STMP1: variants seen among roughly 807,000 people sequenced by gnomAD.
STMP1 encodes short transmembrane mitochondrial protein 1.
A neutral mutation model predicts 7.0 loss-of-function variants in STMP1; 7 were observed. The ratio of observed to expected loss-of-function variants is 1.01; its 90% CI spans 0.57 to 1.89. The LOEUF (loss-of-function observed/expected upper bound fraction) is 1.89, where lower values mean the gene tolerates loss of function less well. Ranked by LOEUF, STMP1 falls within the 40% of genes most tolerant of loss-of-function variation. The pLI is 0.00. For synonymous variants in STMP1, 19 were observed against 18.4 expected (o/e 1.03, Z -0.08); for missense variants, 45 against 53.0 (o/e 0.85, Z 0.47).
At chr7:135,663,684 C>G (rs1020303345) in intron 1 of STMP1, among the ~76,000 whole-genome samples, 1 of 151,612 alleles carries the variant, frequency 6.6e-6, no homozygotes. Context: ...TTAACGGAGT[C>G]CCGCTCTGTC....
At chr7:135,668,382 C>T (rs1795317923) in intron 1 of STMP1, among the ~76,000 whole-genome samples, 1 of 152,092 alleles carries the variant, frequency 6.6e-6, no homozygotes, top group African/African-American at 2.4e-5. Context: ...TTGCTGAGGG[C>T]AGAGTAGTCA....
chr7:135,662,642 C>T lies in STMP1; in HGVS notation c.15+48C>T, dbSNP rs904758709. On this transcript the variant is annotated intron_variant, in intron 1 of 2. Transcript: ENST00000507606. ...GGGGCCCGCTGCCTGGGGCGTGCCT[C>T]GGACCCCATTTCCCCCTTGAGGATT... 1.8e-5 allele frequency: 27 copies of T among 1,539,586 alleles called. No homozygotes were observed. In the East Asian group the frequency reaches 3.8e-4, roughly 22 times the overall value.
At chr7:135,662,796 G>C (rs1202795086) in intron 1 of STMP1, among the ~76,000 whole-genome samples, 2 of 152,218 alleles carry the variant, frequency 1.3e-5, no homozygotes, top group Non-Finnish European at 2.9e-5. Flanking sequence ...ATATTTTTCT[G>C]CAGCCATCCA....
intron 1 of STMP1, among the ~76,000 whole-genome samples, chr7:135,667,530 T>C (rs1795309815): frequency 6.6e-6 from 1 of 152,246 alleles, no homozygotes; most frequent in Non-Finnish European, 1.5e-5. Flanking sequence ...CATTTTTAAA[T>C]TGAGTTTTTT....
chr7:135,675,339 A>T lies in STMP1; in HGVS notation c.*1174A>T, dbSNP rs1795400514. On this transcript the variant is annotated 3_prime_UTR_variant, in exon 3 of 3. Coordinates refer to ENST00000507606, the MANE Select transcript of STMP1 (RefSeq NM_001130929.2). ...CACGTGTAACACAAATAGTAACTATACATGGAGGTCTAGCCCTCGCCTTTT... is the reference window on the plus strand; with the variant it reads ...CACGTGTAACACAAATAGTAACTATTCATGGAGGTCTAGCCCTCGCCTTTT... 6.6e-6 allele frequency: 1 copy of T among 152,038 alleles called. No homozygotes were observed. Among genetic ancestry groups the T allele is most frequent in the South Asian group, 2.1e-4 (1 of 4,828 alleles). The allele number at this position is 152,038 out of a possible 1,614,324, so 9.4% of individuals were successfully genotyped here. A position where few individuals can be genotyped will look rare whatever the true frequency, so the allele number is the denominator to read the frequency against.
intron 1 of STMP1, among the ~76,000 whole-genome samples, chr7:135,663,416 C>T (rs1301084643): frequency 6.6e-6 from 1 of 152,046 alleles, no homozygotes; most frequent in Admixed American, 6.5e-5. Flanking sequence ...GCAATCTGGG[C>T]TCACTGGAAC....
At chr7:135,672,841 T>G (rs574233241) in intron 2 of STMP1, 35 bp downstream of exon 2, 128 of 1,518,010 alleles carry the variant, frequency 8.4e-5, no homozygotes, top group Non-Finnish European at 1.1e-4. Context: ...CTTGATTCCA[T>G]GTAACTGTTT....
At position 135,675,610 on chromosome 7, in the gene STMP1, C is replaced by T. The variant is rs1197658176; in HGVS notation, c.*1445C>T. 8.5e-5 allele frequency: 13 copies of T among 152,168 alleles called. No individual in the cohort carries two copies. The highest frequency in any genetic ancestry group is 5.9e-5 in the Non-Finnish European group (4 of 68,026). 9.4% of individuals were successfully genotyped at this position (152,168 alleles called of 1,614,324 possible). ...TGAAGTCCTAAAAGTATAATTTAGA[C>T]TAAATACAAATACCCATTTCGCTAG... On this transcript the variant is annotated 3_prime_UTR_variant, in exon 3 of 3. Transcript: ENST00000507606.
chr7:135,662,662 A>G, intron 1 of STMP1, 68 bp downstream of exon 1: 3 of 1,511,676 alleles, frequency 2.0e-6, no homozygotes, highest in Admixed American at 2.1e-5. Flanking sequence ...TTCCCCCTTG[A>G]GGATTGCCGA....
rs1795389339 is a variant in STMP1, at chr7:135,674,460, T to C, written c.*295T>C. 6.8e-6 allele frequency: 2 copies of C among 292,926 alleles called. No homozygotes were observed. The highest frequency in any genetic ancestry group is 4.3e-5 in the African/African-American group (2 of 46,016). The allele number at this position is 292,926 out of a possible 1,614,324, so 18.1% of individuals were successfully genotyped here. A position where few individuals can be genotyped will look rare whatever the true frequency, so the allele number is the denominator to read the frequency against. On this transcript the variant is annotated 3_prime_UTR_variant, in exon 3 of 3. Coordinates refer to ENST00000507606, the MANE Select transcript of STMP1 (RefSeq NM_001130929.2). The stretch of plus-strand genomic sequence containing the variant: ...ATGACTTTTAATGAGTAGTGTCTTC[T>C]TTATCGTTTGCGATTTTTACTACCT...
chr7:135,674,282 G>C lies in STMP1; in HGVS notation c.*117G>C. The C allele has an allele frequency of 1.3e-6, 1 of 792,560 alleles. No homozygotes were observed. The highest frequency in any genetic ancestry group is 2.0e-6 in the Non-Finnish European group (1 of 510,460). 49.1% of individuals were successfully genotyped at this position (792,560 alleles called of 1,614,324 possible). On this transcript the variant is annotated 3_prime_UTR_variant, in exon 3 of 3. Transcript: ENST00000507606. ...TCCAGCCTCAGCACTTCTCTTCTTTGCTAGACCCTGTGTTTTTTGCTTTAA... is the reference window on the plus strand; with the variant it reads ...TCCAGCCTCAGCACTTCTCTTCTTTCCTAGACCCTGTGTTTTTTGCTTTAA...
chr7:135,663,923 C>T (rs561748078), intron 1 of STMP1, among the ~76,000 whole-genome samples: 6 of 152,248 alleles, frequency 3.9e-5, no homozygotes, highest in East Asian at 1.9e-4. Flanking sequence ...GGATTACAGG[C>T]GTGAGCCTCC....
Position 135,671,537 on chromosome 7 carries a change from C to T in STMP1, c.16-1216C>T, listed in dbSNP as rs183364794. On this transcript the variant is annotated intron_variant, in intron 1 of 2. Transcript: ENST00000507606. The stretch of plus-strand genomic sequence containing the variant: ...GAGCCTCTTAGTTACCAGAGGAAAA[C>T]AGGGAATTATTATCATTAAAACTCA... Among the ~76,000 whole-genome samples the T allele has an allele frequency of 6.6e-4, 100 of 152,284 alleles. 2 individuals carry two copies. Among genetic ancestry groups the T allele is most frequent in the Non-Finnish European group, 9.4e-4 (64 of 68,016 alleles).
chr7:135,675,845 A>G lies in STMP1; in HGVS notation c.*1680A>G, dbSNP rs1795407597. The G allele has an allele frequency of 2.0e-5, 3 of 151,784 alleles. No homozygotes were observed. The highest frequency in any genetic ancestry group is 6.6e-5 in the Admixed American group (1 of 15,236). 9.4% of individuals were successfully genotyped at this position (151,784 alleles called of 1,614,324 possible). On this transcript the variant is annotated 3_prime_UTR_variant, in exon 3 of 3. Coordinates refer to ENST00000507606, the MANE Select transcript of STMP1 (RefSeq NM_001130929.2). ...ATGGAAGTAAGTTTTATTCCTGTCAATGTTGTCTTTGTGTGTGACAGATTA... is the reference window on the plus strand; with the variant it reads ...ATGGAAGTAAGTTTTATTCCTGTCAGTGTTGTCTTTGTGTGTGACAGATTA...
At chr7:135,662,623 C>G (rs747765333) in intron 1 of STMP1, 29 bp downstream of exon 1, 1 of 1,544,476 alleles carries the variant, frequency 6.5e-7, no homozygotes, top group Admixed American at 2.0e-5. Flanking sequence ...GAGCGGGGCC[C>G]GCTGCCTGGG....
chr7:135,665,237 G>C (rs1795280499), intron 1 of STMP1, among the ~76,000 whole-genome samples: 1 of 152,160 alleles, frequency 6.6e-6, no homozygotes, highest in African/African-American at 2.4e-5. Flanking sequence ...GCAGTGCGTT[G>C]TCATTACACA....
In STMP1 at chr7:135,674,610, G is replaced by A. The variant is rs776107980; in HGVS notation, c.*445G>A. 5 of 153,220 alleles carry A rather than the reference G, an allele frequency of 3.3e-5. No individual in the cohort carries two copies. The highest frequency in any genetic ancestry group is 7.3e-5 in the Non-Finnish European group (5 of 68,844). 9.5% of individuals were successfully genotyped at this position (153,220 alleles called of 1,614,324 possible). On this transcript the variant is annotated 3_prime_UTR_variant, in exon 3 of 3. Coordinates refer to ENST00000507606, the MANE Select transcript of STMP1 (RefSeq NM_001130929.2). ...TGGTACTAAATTATGTTGCTGCAAA[G>A]TAATTAAAATTAGTATCTAGAGCTA...
In STMP1 at chr7:135,674,879, T is replaced by C. The variant is rs1795394891; in HGVS notation, c.*714T>C. ...ACTTTTTTCCTTCTCAAAAGAATCA[T>C]ACTTGGGATTACAGGTACATTTGAT... On this transcript the variant is annotated 3_prime_UTR_variant, in exon 3 of 3. Transcript: ENST00000507606. 1 of 152,232 alleles carries C rather than the reference T, an allele frequency of 6.6e-6. No homozygotes were observed. The highest frequency in any genetic ancestry group is 1.5e-5 in the Non-Finnish European group (1 of 68,040). 9.4% of individuals were successfully genotyped at this position (152,232 alleles called of 1,614,324 possible). A position where few individuals can be genotyped will look rare whatever the true frequency, so the allele number is the denominator to read the frequency against.
At chr7:135,670,685 T>C (rs1182463482) in intron 1 of STMP1, among the ~76,000 whole-genome samples, 1 of 149,764 alleles carries the variant, frequency 6.7e-6, no homozygotes, top group African/African-American at 2.6e-5. Flanking sequence ...CTCATGGTTT[T>C]TGTTTTGTGT....
Sources: allele counts gnomAD v4.1 joint callset (sites outside exome capture counted in the v4.1 genomes callset), GRCh38; gene constraint gnomAD v4.1.1; transcripts MANE v1.5; gene names NCBI Gene and HGNC (gene_info 2026-07-23, HGNC 2026-07-21).